The following ADAM10 variants were observed in gnomAD, a reference collection of about 807,000 sequenced individuals.
ADAM10 encodes the protein disintegrin and metalloproteinase domain-containing protein 10.
ADAM10 carries 17 observed loss-of-function variants against 90.1 expected under a neutral mutation model. The ratio of observed to expected loss-of-function variants is 0.19; its 90% CI spans 0.13 to 0.28. The LOEUF (loss-of-function observed/expected upper bound fraction) is 0.28. Ranked by LOEUF, ADAM10 falls within the 10% of genes least tolerant of loss-of-function variation. The pLI is 1.00. For synonymous variants in ADAM10, 310 were observed against 298.6 expected (o/e 1.04, Z -0.40); for missense variants, 610 against 914.3 (o/e 0.67, Z 4.29).
At chr15:58,713,732 T>C (rs944761028) in intron 2 of ADAM10, among the ~76,000 whole-genome samples, 1 of 152,226 alleles carries the variant, frequency 6.6e-6, no homozygotes, top group Non-Finnish European at 1.5e-5. Context: ...TTAACGACTA[T>C]GGCACTGACT....
chr15:58,616,349 G>A (rs550654016), intron 11 of ADAM10, among the ~76,000 whole-genome samples: 41 of 152,302 alleles, frequency 2.7e-4, no homozygotes, highest in African/African-American at 9.4e-4. Context: ...ATTAGCACAT[G>A]AAACATTCTC....
intron 2 of ADAM10, among the ~76,000 whole-genome samples, chr15:58,688,337 G>A (rs1897665074): frequency 6.6e-6 from 1 of 151,834 alleles, no homozygotes; most frequent in Admixed American, 6.6e-5. Context: ...CAATCAGCCT[G>A]GGCAATGTAG....
chr15:58,633,142 C>T (rs1355879696), intron 9 of ADAM10, 54 bp downstream of exon 9: 3 of 1,496,496 alleles, frequency 2.0e-6, no homozygotes, highest in African/African-American at 2.8e-5. Flanking sequence ...AATCACTCAA[C>T]ATAAAAATTA....
At position 58,683,859 on chromosome 15, in the gene ADAM10, C is replaced by CAAAAA. The variant is rs71425819; in HGVS notation, c.207-1550_207-1546dup. On this transcript the variant is annotated intron_variant, in intron 2 of 15. Transcript: ENST00000260408. The stretch of plus-strand genomic sequence containing the variant: ...TGGGTGACAAAGTGAGGCTCCATCT[C>CAAAAA]AAAAAAAAAAAAAAAAAAAAAAAAG... Among the ~76,000 whole-genome samples, 520 of 66,946 alleles carry CAAAAA rather than the reference C, an allele frequency of 7.8e-3. 11 individuals are homozygous for CAAAAA. The highest frequency in any genetic ancestry group is 0.015 in the African/African-American group (254 of 16,860). 43.9% of individuals were successfully genotyped at this position (66,946 alleles called of 152,430 possible).
chr15:58,726,613 G>C (rs1245463283), intron 1 of ADAM10, among the ~76,000 whole-genome samples: 7 of 118,776 alleles, frequency 5.9e-5, no homozygotes, highest in African/African-American at 1.7e-4. Flanking sequence ...CCCGAAAAAT[G>C]CAAGAAAAGA....
chr15:58,619,918 A>T lies in ADAM10; in HGVS notation c.1511+1553T>A, dbSNP rs540573247. 1.3e-3 allele frequency among the ~76,000 whole-genome samples: 196 copies of T among 151,898 alleles called. 1 individual carries two copies. Among genetic ancestry groups the T allele is most frequent in the African/African-American group, 4.0e-3 (164 of 41,424 alleles). ...GACTCCATCTCAAAAAAAAAAATTT[A>T]AAAAAAGGAATAGGAAGCTACTAAG... is the stretch of plus-strand genomic sequence containing the variant. On this transcript the variant is annotated intron_variant, in intron 11 of 15. Coordinates refer to ENST00000260408, the MANE Select transcript of ADAM10 (RefSeq NM_001110.4).
intron 2 of ADAM10, among the ~76,000 whole-genome samples, chr15:58,706,758 T>C (rs572561633): frequency 3.9e-4 from 60 of 151,982 alleles, no homozygotes; most frequent in African/African-American, 1.4e-3. Context: ...TGCCTGTAAT[T>C]CCAGAACTTT....
At chr15:58,710,924 A>G (rs1304469957) in intron 2 of ADAM10, among the ~76,000 whole-genome samples, 1 of 152,216 alleles carries the variant, frequency 6.6e-6, no homozygotes, top group Non-Finnish European at 1.5e-5. Flanking sequence ...AGATTAAGTC[A>G]CAGACATCTC....
At chr15:58,695,632 GATATTTA>G (rs1450969355) in intron 2 of ADAM10, among the ~76,000 whole-genome samples, 1 of 151,506 alleles carries the variant, frequency 6.6e-6, no homozygotes, top group East Asian at 1.9e-4. Flanking sequence ...GCTACAAAAA[GATATTTA>G]AGTTTTAATA....
At chr15:58,662,842 G>C (rs1035173612) in intron 5 of ADAM10, among the ~76,000 whole-genome samples, 3 of 152,140 alleles carry the variant, frequency 2.0e-5, no homozygotes, top group Non-Finnish European at 4.4e-5. Context: ...TATTGCGCCC[G>C]TAAGTCCAGA....
chr15:58,715,908 T>A (rs1898644281), intron 2 of ADAM10, among the ~76,000 whole-genome samples: 1 of 152,204 alleles, frequency 6.6e-6, no homozygotes, highest in Non-Finnish European at 1.5e-5. Context: ...CAAACCATAT[T>A]TGGTATAGAT....
chr15:58,706,837 C>T (rs1396534737), intron 2 of ADAM10, among the ~76,000 whole-genome samples: 1 of 151,758 alleles, frequency 6.6e-6, no homozygotes, highest in Non-Finnish European at 1.5e-5. Flanking sequence ...GGGGAAACCC[C>T]ACCTCTACTA....
intron 2 of ADAM10, among the ~76,000 whole-genome samples, chr15:58,697,654 C>G (rs1898016158): frequency 6.6e-6 from 1 of 152,148 alleles, no homozygotes; most frequent in Non-Finnish European, 1.5e-5. Context: ...TTCCCACTAT[C>G]AACCATGCCA....
chr15:58,720,541 A>G (rs1427996206), intron 1 of ADAM10, among the ~76,000 whole-genome samples: 1 of 151,788 alleles, frequency 6.6e-6, no homozygotes, highest in African/African-American at 2.4e-5. Context: ...ACTGGAGACT[A>G]CAGGCACCTG....
At chr15:58,685,463 C>CAATA (rs553224874) in intron 2 of ADAM10, among the ~76,000 whole-genome samples, 3,730 of 139,562 alleles carry the variant, frequency 0.027, 163 homozygotes, top group African/African-American at 0.09. Context: ...ACTCCATCTC[C>CAATA]AATAAATAAA....
intron 5 of ADAM10, 82 bp from the exon 6 acceptor site, chr15:58,646,286 A>G (rs1385093511): frequency 1.5e-6 from 2 of 1,369,632 alleles, no homozygotes; most frequent in African/African-American, 2.9e-5. Context: ...TACTATAAAC[A>G]ATTTCATATT....
At chr15:58,605,240 T>C (rs144437302) in intron 14 of ADAM10, among the ~76,000 whole-genome samples, 1 of 152,200 alleles carries the variant, frequency 6.6e-6, no homozygotes, top group Admixed American at 6.5e-5. Context: ...TCTAGCACAG[T>C]GTTCCTGGCT....
intron 2 of ADAM10, among the ~76,000 whole-genome samples, chr15:58,688,786 A>ATATATATCTCTCTCTCTC: frequency 6.5e-5 from 8 of 122,394 alleles, no homozygotes; most frequent in African/African-American, 2.9e-4. Flanking sequence ...ATATATATAT[A>ATATATATCTCTCTCTCTC]TCTCTCTCTC....
intron 2 of ADAM10, chr15:58,693,048 G>C (rs777190728): frequency 1.9e-5 from 14 of 755,196 alleles, no homozygotes; most frequent in Non-Finnish European, 3.2e-5. Context: ...TCTTGTCTAA[G>C]GCATCAGAAG....
Sources: allele counts gnomAD v4.1 joint callset (sites outside exome capture counted in the v4.1 genomes callset), GRCh38; gene constraint gnomAD v4.1.1; transcripts MANE v1.5; gene names NCBI Gene and HGNC (gene_info 2026-07-23, HGNC 2026-07-21).